Variants in PRKAR1A observed in about 807,000 individuals in gnomAD.
PRKAR1A encodes the protein protein kinase cAMP-dependent type I regulatory subunit alpha.
Under a neutral mutation model 52.0 loss-of-function variants are expected in PRKAR1A, and 3 were observed. The observed-to-expected ratio is 0.06, with a 90% CI of 0.03 to 0.15. PRKAR1A has a LOEUF of 0.15. PRKAR1A is among the 10% of genes least tolerant of loss of function. The pLI, the probability that PRKAR1A is intolerant of heterozygous loss-of-function variation, is 1.00. For missense variants in PRKAR1A, 240 were observed against 477.4 expected, an observed-to-expected ratio of 0.50 and a Z score of 4.63; for synonymous variants, 188 against 168.4, an observed-to-expected ratio of 1.12 and a Z score of -0.90.
At chr17:68,433,371 G>A in the PRKAR1A span, 16 of 1,126,342 alleles carry the variant, frequency 1.4e-5, no homozygotes, top group East Asian at 3.8e-4. Context: ...GCCAAGATTG[G>A]GTGTTCAGAA....
the PRKAR1A span, chr17:68,457,501 C>G: frequency 8.0e-7 from 1 of 1,243,876 alleles, no homozygotes; most frequent in Non-Finnish European, 1.0e-6. Flanking sequence ...CTCCACGGGC[C>G]GGGTCGCCGG....
chr17:68,465,574 C>T, the PRKAR1A span, among the ~76,000 whole-genome samples: 3 of 150,040 alleles, frequency 2.0e-5, no homozygotes, highest in Non-Finnish European at 4.4e-5. Flanking sequence ...CTTGCCTCAA[C>T]CTCTGGAGTA....
chr17:68,487,366 A>G, the PRKAR1A span, among the ~76,000 whole-genome samples: 1 of 152,230 alleles, frequency 6.6e-6, no homozygotes. Context: ...GAAGGCTACC[A>G]AGTTAATTAA....
chr17:68,451,014 G>C, the PRKAR1A span: 1 of 1,375,022 alleles, frequency 7.3e-7, no homozygotes, highest in Non-Finnish European at 9.7e-7. Context: ...GGGTCTTGCC[G>C]GCCAGGCGCC....
chr17:68,433,277 G>A, the PRKAR1A span, among the ~76,000 whole-genome samples: 2 of 152,220 alleles, frequency 1.3e-5, no homozygotes, highest in African/African-American at 4.8e-5. Context: ...CACGTGGGTG[G>A]CTCCCAGTTT....
intron 11 of PRKAR1A, among the ~76,000 whole-genome samples, chr17:68,548,099 A>G (rs2086651690): frequency 1.3e-5 from 2 of 152,212 alleles, no homozygotes; most frequent in Admixed American, 1.3e-4. Context: ...TGGAGCAGTC[A>G]GAACACACAT....
intron 2 of PRKAR1A, among the ~76,000 whole-genome samples, chr17:68,520,561 T>C (rs1359517324): frequency 6.6e-6 from 1 of 152,208 alleles, no homozygotes; most frequent in African/African-American, 2.4e-5. Flanking sequence ...ATTTAGGTTA[T>C]TCATCACCTC....
In PRKAR1A at chr17:68,533,427, G is replaced by T; in HGVS notation, c.*2978G>T. On this transcript the variant is annotated 3_prime_UTR_variant, in exon 11 of 11. Coordinates refer to ENST00000589228, the MANE Select transcript of PRKAR1A (RefSeq NM_002734.5). ...AGAGTCACAATAAAATGTAACTAAA[G>T]AAAATTTCTCTGGGTTGACAGTCCT... 5.7e-6 allele frequency: 6 copies of T among 1,055,472 alleles called. No individual in the cohort carries two copies. The highest frequency in any genetic ancestry group is 6.9e-6 in the Non-Finnish European group (6 of 872,902). 65.4% of individuals were successfully genotyped at this position (1,055,472 alleles called of 1,614,324 possible).
chr17:68,422,973 C>T, the PRKAR1A span, among the ~76,000 whole-genome samples: 1 of 152,248 alleles, frequency 6.6e-6, no homozygotes, highest in South Asian at 2.1e-4. Context: ...AGGAGGCAAG[C>T]GTGATCCTAC....
intron 2 of PRKAR1A, among the ~76,000 whole-genome samples, chr17:68,520,198 C>A: frequency 6.6e-6 from 1 of 152,196 alleles, no homozygotes. Context: ...TATGGCATGT[C>A]CACTTACATT....
the PRKAR1A span, among the ~76,000 whole-genome samples, chr17:68,452,232 T>C: frequency 3.3e-4 from 50 of 152,294 alleles, no homozygotes; most frequent in African/African-American, 1.1e-3. Flanking sequence ...ACTGAATCAA[T>C]GTTATCAGTA....
chr17:68,486,518 T>C, the PRKAR1A span, among the ~76,000 whole-genome samples: 1,210 of 66,072 alleles, frequency 0.018, 3 homozygotes, highest in Non-Finnish European at 0.021. Flanking sequence ...TCTTTCTTTC[T>C]TTCTTTCTTT....
chr17:68,486,567 TTCTTCTTTC>T, the PRKAR1A span, among the ~76,000 whole-genome samples: 4 of 145,694 alleles, frequency 2.7e-5, no homozygotes, highest in East Asian at 2.0e-4. Context: ...CTTTCTTTCT[TTCTTCTTTC>T]CTTCCTTCCT....
At chr17:68,436,012 C>A in the PRKAR1A span, among the ~76,000 whole-genome samples, 1 of 152,250 alleles carries the variant, frequency 6.6e-6, no homozygotes, top group Non-Finnish European at 1.5e-5. Flanking sequence ...TAGGCAACTT[C>A]CCACAGCAAT....
intron 2 of PRKAR1A, among the ~76,000 whole-genome samples, chr17:68,516,900 T>C (rs962072625): frequency 2.6e-5 from 4 of 152,188 alleles, no homozygotes; most frequent in Non-Finnish European, 5.9e-5. Context: ...GGAGATCCGG[T>C]TTTGAAATGG....
intron 7 of PRKAR1A, 170 bp from the exon 8 acceptor site, chr17:68,527,670 C>T (rs2085833133): frequency 1.7e-6 from 1 of 588,948 alleles, no homozygotes. Flanking sequence ...CATTCATTAC[C>T]TGTAAAATAA....
At chr17:68,415,617 G>A in the PRKAR1A span, among the ~76,000 whole-genome samples, 5 of 152,156 alleles carry the variant, frequency 3.3e-5, no homozygotes, top group East Asian at 9.6e-4. Flanking sequence ...TGTCAGTGGA[G>A]TATTGAAGTC....
chr17:68,445,564 C>G, the PRKAR1A span, among the ~76,000 whole-genome samples: 1 of 152,238 alleles, frequency 6.6e-6, no homozygotes, highest in African/African-American at 2.4e-5. Flanking sequence ...GGGCTCCTCT[C>G]TCTGGTGCTT....
chr17:68,444,586 G>A, the PRKAR1A span: 1 of 1,612,888 alleles, frequency 6.2e-7, no homozygotes, highest in Non-Finnish European at 8.5e-7. Context: ...CAAACCAGCA[G>A]CCTCTGTAAT....
Sources: gnomAD v4.1 joint callset for allele counts (sites outside exome capture counted in the v4.1 genomes callset) on GRCh38, gnomAD v4.1.1 for gene constraint, MANE v1.5 for transcripts, NCBI Gene and HGNC (gene_info 2026-07-23, HGNC 2026-07-21) for gene names.